The following PTPRG variants were observed in gnomAD, a reference collection of about 807,000 sequenced individuals.
The protein encoded by PTPRG is receptor-type tyrosine-protein phosphatase gamma.
Under a neutral mutation model 165.3 loss-of-function variants are expected in PTPRG, and 102 were observed. That is an observed-to-expected ratio of 0.62 (90% CI 0.53 to 0.73). The LOEUF is 0.73. Ranked by LOEUF, PTPRG falls within the 30% of genes least tolerant of loss-of-function variation. The pLI is 0.00. For synonymous variants in PTPRG, 675 were observed against 669.5 expected, an observed-to-expected ratio of 1.01 and a Z score of -0.13; for missense variants, 1,866 against 1,861.4, an observed-to-expected ratio of 1.00 and a Z score of -0.05.
At chr3:61,954,475 T>C (rs1342548612) in intron 2 of PTPRG, among the ~76,000 whole-genome samples, 1 of 152,142 alleles carries the variant, frequency 6.6e-6, no homozygotes, top group Non-Finnish European at 1.5e-5. Flanking sequence ...CTCATCACTT[T>C]GATGTTCTGT....
Position 61,960,272 on chromosome 3 carries a change from A to G in PTPRG, c.191-29353A>G, listed in dbSNP as rs368742648. 8.6e-5 allele frequency among the ~76,000 whole-genome samples: 13 copies of G among 151,602 alleles called. 1 individual carries two copies. The highest frequency in any genetic ancestry group is 3.4e-3 in the Middle Eastern group (1 of 294). On this transcript the variant is annotated intron_variant, in intron 2 of 29. Transcript: ENST00000474889. ...TAGGAGCCCCGTAAATGTCTCTTTA[A>G]TGTGCAACTGTCTGGCTGTCATGCA...
At chr3:62,010,171 G>A (rs115540374) in intron 4 of PTPRG, among the ~76,000 whole-genome samples, 1 of 152,174 alleles carries the variant, frequency 6.6e-6, no homozygotes, top group South Asian at 2.1e-4. Context: ...CTCCCTCTTC[G>A]CCCTCCCAAA....
At chr3:61,803,512 T>TGGTTCATGTTGTCCATGTTG (rs1439892410) in intron 2 of PTPRG, among the ~76,000 whole-genome samples, 4 of 150,900 alleles carry the variant, frequency 2.7e-5, no homozygotes, top group Non-Finnish European at 5.9e-5. Flanking sequence ...ATGGACAACA[T>TGGTTCATGTTGTCCATGTTG]GTAATGCCTC....
At chr3:61,607,907 G>A (rs181022957) in intron 1 of PTPRG, among the ~76,000 whole-genome samples, 234 of 152,296 alleles carry the variant, frequency 1.5e-3, no homozygotes, top group Admixed American at 1.7e-3. Flanking sequence ...TGGGCTTGGG[G>A]TGAGGATTAC....
intron 2 of PTPRG, among the ~76,000 whole-genome samples, chr3:61,926,582 T>TCCCC (rs2039216327): frequency 1.9e-5 from 2 of 102,724 alleles, no homozygotes; most frequent in Admixed American, 9.8e-5. Flanking sequence ...TTCTTCCCCT[T>TCCCC]CCCTCCCTCC....
rs985859100 is a variant in PTPRG at position 62,294,374 on chromosome 3, A to T, written c.*1067A>T. ...ACATACATTTTTCTACTTAAGATTA[A>T]ATTGGAAATACTGTCTTAGCAAAAG... On this transcript the variant is annotated 3_prime_UTR_variant, in exon 30 of 30. Coordinates refer to ENST00000474889, the MANE Select transcript of PTPRG (RefSeq NM_002841.4). 4.6e-5 allele frequency: 7 copies of T among 152,130 alleles called. No individual in the cohort carries two copies. The highest frequency in any genetic ancestry group is 8.8e-5 in the Non-Finnish European group (6 of 68,000). The allele number at this position is 152,130 out of a possible 1,614,324, so 9.4% of individuals were successfully genotyped here. A position where few individuals can be genotyped will look rare whatever the true frequency, so the allele number is the denominator to read the frequency against.
At chr3:61,623,758 C>T (rs1436597857) in intron 1 of PTPRG, among the ~76,000 whole-genome samples, 1 of 152,122 alleles carries the variant, frequency 6.6e-6, no homozygotes, top group Non-Finnish European at 1.5e-5. Flanking sequence ...GACACAAAAC[C>T]TTCAGTTGCT....
intron 13 of PTPRG, among the ~76,000 whole-genome samples, chr3:62,221,804 G>T (rs1480380992): frequency 6.6e-6 from 1 of 152,168 alleles, no homozygotes; most frequent in African/African-American, 2.4e-5. Context: ...TTTTGAGTGT[G>T]TTTTCTCCAA....
chr3:61,846,108 A>C (rs2036798247), intron 2 of PTPRG, among the ~76,000 whole-genome samples: 1 of 152,212 alleles, frequency 6.6e-6, no homozygotes, highest in Admixed American at 6.5e-5. Context: ...AATTATTGTG[A>C]AGATTAAAGA....
At chr3:61,733,413 C>T (rs1028828248) in intron 1 of PTPRG, among the ~76,000 whole-genome samples, 2 of 152,096 alleles carry the variant, frequency 1.3e-5, no homozygotes, top group Non-Finnish European at 2.9e-5. Flanking sequence ...AGGTCCTTAA[C>T]CATTCTGTGC....
At chr3:61,709,834 T>C (rs563414228) in intron 1 of PTPRG, among the ~76,000 whole-genome samples, 11 of 152,280 alleles carry the variant, frequency 7.2e-5, no homozygotes, top group African/African-American at 2.6e-4. Flanking sequence ...AGAGAACCAC[T>C]GTGCCAGTGG....
chr3:62,216,491 C>G (rs994933483), intron 12 of PTPRG, among the ~76,000 whole-genome samples: 15 of 152,062 alleles, frequency 9.9e-5, no homozygotes, highest in Admixed American at 3.3e-4. Context: ...TAGCGTCAAC[C>G]CTCCCAACAT....
At chr3:61,867,086 C>T (rs2037433009) in intron 2 of PTPRG, among the ~76,000 whole-genome samples, 1 of 152,134 alleles carries the variant, frequency 6.6e-6, no homozygotes, top group Non-Finnish European at 1.5e-5. Context: ...GGGATCAGTA[C>T]CAGATGGCCT....
intron 1 of PTPRG, among the ~76,000 whole-genome samples, chr3:61,595,680 C>T (rs1181077913): frequency 6.6e-6 from 1 of 152,198 alleles, no homozygotes; most frequent in East Asian, 1.9e-4. Context: ...CTCAGTGGGA[C>T]TGTCTAATAT....
chr3:61,599,224 A>G (rs1700781552), intron 1 of PTPRG, among the ~76,000 whole-genome samples: 1 of 152,258 alleles, frequency 6.6e-6, no homozygotes. Context: ...ATTTCAGCTC[A>G]CTGCAACCTC....
intron 2 of PTPRG, among the ~76,000 whole-genome samples, chr3:61,961,324 A>C (rs1211660342): frequency 6.6e-6 from 1 of 152,160 alleles, no homozygotes; most frequent in Non-Finnish European, 1.5e-5. Flanking sequence ...TTAGGGTTGA[A>C]GTATTAGGGA....
At chr3:62,103,785 A>G (rs1251036482) in intron 5 of PTPRG, among the ~76,000 whole-genome samples, 1 of 152,202 alleles carries the variant, frequency 6.6e-6, no homozygotes, top group Non-Finnish European at 1.5e-5. Context: ...GGAAGTGGGT[A>G]GCCTAGAAAC....
chr3:62,060,426 C>G (rs1360242042), intron 4 of PTPRG, among the ~76,000 whole-genome samples: 5 of 152,054 alleles, frequency 3.3e-5, no homozygotes, highest in Admixed American at 3.3e-4. Context: ...AGGGTAGTGA[C>G]CAGATGAGAT....
intron 4 of PTPRG, among the ~76,000 whole-genome samples, chr3:62,012,271 G>A (rs1028429277): frequency 2.6e-5 from 4 of 152,260 alleles, no homozygotes; most frequent in Middle Eastern, 3.4e-3. Context: ...ATCTGGGCTC[G>A]AATATCTCCA....
Sources: allele counts gnomAD v4.1 joint callset (sites outside exome capture counted in the v4.1 genomes callset), GRCh38; gene constraint gnomAD v4.1.1; transcripts MANE v1.5; gene names NCBI Gene and HGNC (gene_info 2026-07-23, HGNC 2026-07-21).